The following TET3 variants were observed in gnomAD, a reference collection of about 807,000 sequenced individuals.
TET3 encodes the protein methylcytosine dioxygenase TET3.
TET3 carries 19 observed loss-of-function variants against 141.4 expected under a neutral mutation model. The observed-to-expected ratio is 0.13, with a 90% CI of 0.09 to 0.20. The LOEUF (loss-of-function observed/expected upper bound fraction) is 0.20, where lower values mean the gene tolerates loss of function less well. Among genes scored for constraint, TET3 ranks in the 10% least tolerant of loss-of-function variants. The probability of loss-of-function intolerance (pLI) is 1.00; values close to 1 mark genes in which losing one functional copy is unlikely to be tolerated. For synonymous variants in TET3, 1,043 were observed against 980.9 expected, an observed-to-expected ratio of 1.06 and a Z score of -1.18; for missense variants, 1,874 against 2,356.9, an observed-to-expected ratio of 0.80 and a Z score of 4.24.
chr2:74,089,363 C>T (rs114388242), intron 7 of TET3, among the ~76,000 whole-genome samples: 2,994 of 152,278 alleles, frequency 0.02, 33 homozygotes, highest in Middle Eastern at 0.051. Context: ...GAGTCGTAAT[C>T]CACTGTGTGG....
chr2:74,049,251 TC>T (rs1393331087), intron 4 of TET3, among the ~76,000 whole-genome samples: 2 of 151,870 alleles, frequency 1.3e-5, no homozygotes, highest in African/African-American at 4.8e-5. Context: ...GGAAGTGAGT[TC>T]CCACTGGACG....
chr2:73,997,151 G>T (rs922355981), intron 2 of TET3, among the ~76,000 whole-genome samples: 4 of 152,246 alleles, frequency 2.6e-5, no homozygotes, highest in African/African-American at 7.2e-5. Context: ...TGGTGGTATT[G>T]GCCAGACTGT....
intron 4 of TET3, among the ~76,000 whole-genome samples, chr2:74,065,620 G>A (rs12713807): frequency 3.5e-5 from 5 of 142,530 alleles, no homozygotes; most frequent in East Asian, 2.0e-4. Context: ...CCGTCCGTCC[G>A]TCCTTCCTTC....
intron 2 of TET3, among the ~76,000 whole-genome samples, chr2:73,994,638 CTTT>C (rs572235939): frequency 5.2e-5 from 5 of 96,748 alleles, no homozygotes; most frequent in South Asian, 2.9e-4. Flanking sequence ...TTCTTTCTTT[CTTT>C]TTTTTTTTTT....
At position 74,101,893 on chromosome 2, in the gene TET3, C is replaced by G; in HGVS notation, c.5105C>G (p.Pro1702Arg). Residue 1702 changes from proline to arginine, a missense_variant, in exon 12 of 12, where the codon CCC becomes CGC. By Grantham distance (103) the Pro-to-Arg change is moderately radical (BLOSUM62 -2). Around this residue, in one of 10 missense-constraint regions of TET3, gnomAD observed 41 missense variants for 116.8 expected, o/e 0.35. Coordinates refer to ENST00000409262, the MANE Select transcript of TET3 (RefSeq NM_001287491.2). The surrounding 1 kb of genome is among the most constrained non-coding windows in gnomAD (Gnocchi z 8.5). ...TACCAGCACAAGAACCTCAACCAGC[C>G]CAACCACGGGCTGGCCCTCTGGGAA... The part of the protein sequence containing the change: ...VFYQHKNLNQ[P>R]NHGLALWEAK... 6.2e-7 allele frequency: 1 copy of G among 1,613,380 alleles called. No homozygotes were observed. Among genetic ancestry groups the G allele is most frequent in the Non-Finnish European group, 8.5e-7 (1 of 1,179,812 alleles).
At chr2:74,009,124 CT>C (rs1189372152) in intron 3 of TET3, among the ~76,000 whole-genome samples, 1 of 152,214 alleles carries the variant, frequency 6.6e-6, no homozygotes, top group Admixed American at 6.5e-5. Context: ...TTTTTCTAGC[CT>C]GCAGGCCTTG....
intron 4 of TET3, among the ~76,000 whole-genome samples, chr2:74,061,750 C>T (rs1309295679): frequency 2.8e-5 from 4 of 141,614 alleles, no homozygotes; most frequent in South Asian, 2.2e-4. Flanking sequence ...ACGGGGCGGC[C>T]GGGCAGAGAC....
the TET3 span, chr2:74,122,509 A>T: frequency 1.0e-3 from 76 of 76,224 alleles, no homozygotes; most frequent in African/African-American, 3.0e-3. Context: ...ATATATATAT[A>T]TATTTTTTTT....
Position 74,032,451 on chromosome 2 carries a change from C to G in TET3, c.361-13827C>G, listed in dbSNP as rs13032878. Among the ~76,000 whole-genome samples the G allele has an allele frequency of 2.6e-3, 185 of 71,944 alleles. 1 individual carries two copies. Among genetic ancestry groups the G allele is most frequent in the African/African-American group, 0.011 (99 of 8,810 alleles). 47.2% of individuals were successfully genotyped at this position (71,944 alleles called of 152,430 possible). A position where few individuals can be genotyped will look rare whatever the true frequency, so the allele number is the denominator to read the frequency against. ...CAGCGGCTGCAAGAGGGGTGTGTCTCTGTGTGTGTGTGTGTGTGTGTGTGT... is the reference window on the plus strand; with the variant it reads ...CAGCGGCTGCAAGAGGGGTGTGTCTGTGTGTGTGTGTGTGTGTGTGTGTGT... On this transcript the variant is annotated intron_variant, in intron 3 of 11. Coordinates refer to ENST00000409262, the MANE Select transcript of TET3 (RefSeq NM_001287491.2).
At chr2:74,118,716 T>A in the TET3 span, among the ~76,000 whole-genome samples, 1 of 152,092 alleles carries the variant, frequency 6.6e-6, no homozygotes, top group African/African-American at 2.4e-5. Context: ...TTTACATATA[T>A]ATAAACATAT....
Position 74,105,849 on chromosome 2 carries a change from C to G in TET3, c.*3673C>G, listed in dbSNP as rs1691468520. 1 of 155,940 alleles carries G rather than the reference C, an allele frequency of 6.4e-6. No individual in the cohort carries two copies. The highest frequency in any genetic ancestry group is 6.5e-5 in the Admixed American group (1 of 15,324). The allele number at this position is 155,940 out of a possible 1,614,324, so 9.7% of individuals were successfully genotyped here. ...TAGAGGTTTAATCACCATGAGATCTCAAACCAAGGCAAAGCTGGTGGAAAA... is the reference window on the plus strand; with the variant it reads ...TAGAGGTTTAATCACCATGAGATCTGAAACCAAGGCAAAGCTGGTGGAAAA... On this transcript the variant is annotated 3_prime_UTR_variant, in exon 12 of 12. Coordinates refer to ENST00000409262, the MANE Select transcript of TET3 (RefSeq NM_001287491.2).
At chr2:74,032,418 G>A (rs1349117131) in intron 3 of TET3, among the ~76,000 whole-genome samples, 4 of 151,964 alleles carry the variant, frequency 2.6e-5, no homozygotes, top group East Asian at 1.9e-4. Context: ...GGGCTTGGGC[G>A]ATGGCCCCAG....
the TET3 span, among the ~76,000 whole-genome samples, chr2:74,119,075 G>T: frequency 3.9e-5 from 6 of 152,266 alleles, no homozygotes; most frequent in Admixed American, 1.3e-4. Flanking sequence ...CCAACTTTTG[G>T]CTGGGTGCGG....
intron 3 of TET3, among the ~76,000 whole-genome samples, chr2:74,008,026 C>T (rs1685230637): frequency 6.6e-6 from 1 of 152,182 alleles, no homozygotes; most frequent in Admixed American, 6.5e-5. Flanking sequence ...CCTCTTGGTT[C>T]CTGTATTTAT....
Position 74,102,457 on chromosome 2 carries a change from C to CT in TET3, c.*283dup, listed in dbSNP as rs1691282053. ...TTATATCTCCAAGTTGTCCCCCCCCCTTGTCTGGGGGGTTTTTATTTTTAT... is the reference window on the plus strand; with the variant it reads ...TTATATCTCCAAGTTGTCCCCCCCCCTTTGTCTGGGGGGTTTTTATTTTTAT... On this transcript the variant is annotated 3_prime_UTR_variant, in exon 12 of 12. Transcript: ENST00000409262. The CT allele has an allele frequency of 7.1e-6, 2 of 280,892 alleles. No individual in the cohort carries two copies. Among genetic ancestry groups the CT allele is most frequent in the Admixed American group, 1.1e-4 (2 of 18,636 alleles). 17.4% of individuals were successfully genotyped at this position (280,892 alleles called of 1,614,324 possible).
intron 3 of TET3, among the ~76,000 whole-genome samples, chr2:74,009,007 C>T (rs542014492): frequency 6.6e-6 from 1 of 152,198 alleles, no homozygotes; most frequent in East Asian, 1.9e-4. Context: ...GCAACTTGTC[C>T]CTGACACTGA....
In TET3 at chr2:74,108,112, C is replaced by T. The variant is rs1198273629; in HGVS notation, c.*5936C>T. On this transcript the variant is annotated 3_prime_UTR_variant, in exon 12 of 12. Coordinates refer to ENST00000409262, the MANE Select transcript of TET3 (RefSeq NM_001287491.2). Reference sequence around the variant, plus strand: ...ACAACTGGGTTTGTGAACTGTATTACTCCTGGTATCTTTAAAATATTGTGG... The same window carrying T: ...ACAACTGGGTTTGTGAACTGTATTATTCCTGGTATCTTTAAAATATTGTGG... 6.5e-6 allele frequency: 1 copy of T among 153,720 alleles called. No homozygotes were observed. Among genetic ancestry groups the T allele is most frequent in the African/African-American group, 2.4e-5 (1 of 41,412 alleles). 9.5% of individuals were successfully genotyped at this position (153,720 alleles called of 1,614,324 possible). A position where few individuals can be genotyped will look rare whatever the true frequency, so the allele number is the denominator to read the frequency against.
intron 3 of TET3, among the ~76,000 whole-genome samples, chr2:74,032,906 T>C (rs1240620827): frequency 6.6e-6 from 1 of 152,202 alleles, no homozygotes; most frequent in African/African-American, 2.4e-5. Context: ...CATAGAACTT[T>C]TAATGGGTGG....
intron 3 of TET3, among the ~76,000 whole-genome samples, chr2:74,029,364 C>A (rs904369813): frequency 1.3e-5 from 2 of 152,138 alleles, no homozygotes; most frequent in Admixed American, 6.5e-5. Flanking sequence ...TTCCAACAGT[C>A]AATACGTCCC....
Sources: gnomAD v4.1 joint callset for allele counts (sites outside exome capture counted in the v4.1 genomes callset) on GRCh38, gnomAD v4.1.1 for gene constraint, gnomAD v4.1.1 regional missense constraint, Gnocchi (gnomAD v3.1) non-coding constraint, MANE v1.5 for transcripts, NCBI Gene and HGNC (gene_info 2026-07-23, HGNC 2026-07-21) for gene names.